The following MDH1 variants were observed in gnomAD, a reference collection of about 807,000 sequenced individuals.
MDH1 encodes the protein malate dehydrogenase, cytoplasmic.
MDH1 carries 15 observed loss-of-function variants against 38.7 expected under a neutral mutation model. That is an observed-to-expected ratio of 0.39 (90% CI 0.26 to 0.60). The LOEUF is 0.60. Ranked by LOEUF, MDH1 falls within the 20% of genes least tolerant of loss-of-function variation. MDH1 has a pLI of 0.56. For synonymous variants in MDH1, 144 were observed against 143.6 expected, an observed-to-expected ratio of 1.00 and a Z score of -0.02; for missense variants, 368 against 405.2, an observed-to-expected ratio of 0.91 and a Z score of 0.79.
At position 63,591,072 on chromosome 2, in the gene MDH1, A is replaced by G. The variant is rs375409204; in HGVS notation, c.3+2026A>G. On this transcript the variant is annotated intron_variant, in intron 1 of 8. Coordinates refer to ENST00000233114, the MANE Select transcript of MDH1 (RefSeq NM_005917.4). ...TGGCTCTGTCTGTGGAATAACAGAC[A>G]CTTAAATTCAATCTTTATAGCTGAG... 6.6e-5 allele frequency: 10 copies of G among 152,262 alleles called. No individual in the cohort carries two copies. The East Asian group carries it at 1.2e-3, about 18-fold the overall frequency. The allele number at this position is 152,262 out of a possible 1,614,324, so 9.4% of individuals were successfully genotyped here.
chr2:63,604,907 C>T (rs748385957), intron 6 of MDH1, 35 bp downstream of exon 6: 18 of 1,603,412 alleles, frequency 1.1e-5, no homozygotes, highest in South Asian at 2.2e-5. Context: ...TAACACTGAG[C>T]GTAAAGAACT....
At position 63,606,843 on chromosome 2, in the gene MDH1, T is replaced by A. The variant is rs1355340573; in HGVS notation, c.880-19T>A. The stretch of plus-strand genomic sequence containing the variant: ...ATCAGTTCCAGTTTAAATCTCTTAT[T>A]TGCATTATTTTCAAACAGAATAAGA... On this transcript the variant is annotated intron_variant, in intron 8 of 8. Coordinates refer to ENST00000233114, the MANE Select transcript of MDH1 (RefSeq NM_005917.4). 3.2e-6 allele frequency: 5 copies of A among 1,587,238 alleles called. No individual in the cohort carries two copies. The highest frequency in any genetic ancestry group is 4.3e-6 in the Non-Finnish European group (5 of 1,167,116).
At chr2:63,595,136 G>A (rs1709280890) in intron 2 of MDH1, 2 of 441,180 alleles carry the variant, frequency 4.5e-6, no homozygotes, top group Non-Finnish European at 8.3e-6. Flanking sequence ...AACAATAAGA[G>A]CAAGCTATAG....
At chr2:63,603,530 C>G (rs1272431792) in intron 5 of MDH1, among the ~76,000 whole-genome samples, 1 of 152,026 alleles carries the variant, frequency 6.6e-6, no homozygotes, top group Non-Finnish European at 1.5e-5. Flanking sequence ...TCTGGTTCAT[C>G]ATAAATTCTG....
rs1347870418 is a variant in MDH1, at chr2:63,606,962, C to T, written c.980C>T (p.Ala327Val). The T allele has an allele frequency of 1.2e-6, 2 of 1,611,866 alleles. No homozygotes were observed. The highest frequency in any genetic ancestry group is 1.7e-6 in the Non-Finnish European group (2 of 1,179,064). Residue 327 changes from alanine to valine, a missense_variant, in exon 9 of 9, where the codon GCT becomes GTT. Physicochemically the swap from Ala to Val is moderately conservative, Grantham distance 64 (BLOSUM62 0). Coordinates refer to ENST00000233114, the MANE Select transcript of MDH1 (RefSeq NM_005917.4). Reference sequence around the variant, plus strand: ...GAACTGACAGAAGAAAAAGAAAGTGCTTTTGAATTTCTTTCCTCTGCCTGA... The same window carrying T: ...GAACTGACAGAAGAAAAAGAAAGTGTTTTTGAATTTCTTTCCTCTGCCTGA... ...AKELTEEKES[A>V]FEFLSSA is the part of the protein sequence containing the mutation.
chr2:63,596,744 G>T (rs1300025597), intron 3 of MDH1, among the ~76,000 whole-genome samples: 1 of 152,180 alleles, frequency 6.6e-6, no homozygotes, highest in East Asian at 1.9e-4. Context: ...CAACAAAGAA[G>T]TGCGATGACT....
rs1709507794 is a variant in MDH1, at chr2:63,605,334, A to G, written c.730A>G (p.Met244Val). Residue 244 changes from methionine (M) to valine (V), a missense_variant, in exon 7 of 9, where the codon ATG (methionine) becomes GTG (valine). By Grantham distance (21) the Met-to-Val change is conservative. Transcript: ENST00000233114. ...CAAGGCTCGAAAACTATCCAGTGCC[A>G]TGTCTGCTGCAAAAGCCATCTGTGA... ...VIKARKLSSA[M>V]SAAKAICDHV... 1.2e-6 allele frequency: 2 copies of G among 1,614,192 alleles called. No homozygotes were observed. Among genetic ancestry groups the G allele is most frequent in the Non-Finnish European group, 8.5e-7 (1 of 1,180,022 alleles).
At chr2:63,594,014 A>G (rs770289048) in intron 1 of MDH1, among the ~76,000 whole-genome samples, 1 of 152,168 alleles carries the variant, frequency 6.6e-6, no homozygotes, top group Non-Finnish European at 1.5e-5. Context: ...CCTCCTCCAG[A>G]CAAAGTTGAA....
At chr2:63,604,992 C>A in intron 6 of MDH1, 120 bp downstream of exon 6, 2 of 971,248 alleles carry the variant, frequency 2.1e-6, no homozygotes, top group African/African-American at 1.6e-5. Flanking sequence ...TGCATACTTT[C>A]GGGATCATAG....
rs528985907 is a variant in MDH1 at position 63,589,182 on chromosome 2, C to T, written c.3+136C>T. 6.2e-6 allele frequency: 10 copies of T among 1,606,604 alleles called. No homozygotes were observed. The East Asian group carries it at 6.7e-5, about 11-fold the overall frequency. On this transcript the variant is annotated intron_variant, in intron 1 of 8. Coordinates refer to ENST00000233114, the MANE Select transcript of MDH1 (RefSeq NM_005917.4). ...CGCCCTTTGGCAAGCTCGGACTCAT[C>T]TTCTGGGGATTGCCGCAGTGACCCA... is the stretch of plus-strand genomic sequence containing the variant.
chr2:63,606,721 A>G, intron 8 of MDH1, 141 bp from the exon 9 acceptor site: 1 of 438,328 alleles, frequency 2.3e-6, no homozygotes, highest in Non-Finnish European at 3.7e-6. Flanking sequence ...AGAATTATCT[A>G]TTAATTAAAA....
In MDH1 at chr2:63,605,830, A is replaced by C. The variant is rs10202649; in HGVS notation, c.790-109A>C. The C allele has an allele frequency of 0.022, 19,272 of 871,292 alleles. 1,727 individuals are homozygous for C. The African/African-American group carries it at 0.23, about 10-fold the overall frequency. The allele number at this position is 871,292 out of a possible 1,614,324, so 54.0% of individuals were successfully genotyped here. On this transcript the variant is annotated intron_variant, in intron 7 of 8. Coordinates refer to ENST00000233114, the MANE Select transcript of MDH1 (RefSeq NM_005917.4). Reference sequence around the variant, plus strand: ...GCTGATGATAGTTCCTTACACAGTAATGATGTTATGAACATAGTAAGAAAG... The same window carrying C: ...GCTGATGATAGTTCCTTACACAGTACTGATGTTATGAACATAGTAAGAAAG...
intron 5 of MDH1, among the ~76,000 whole-genome samples, chr2:63,600,739 C>A (rs1174796132): frequency 6.6e-6 from 1 of 152,122 alleles, no homozygotes; most frequent in Non-Finnish European, 1.5e-5. Flanking sequence ...CCCTGAGAGG[C>A]TATAGGCTGT....
At chr2:63,595,622 G>A in intron 3 of MDH1, 103 bp downstream of exon 3, 1 of 715,716 alleles carries the variant, frequency 1.4e-6, no homozygotes, top group Non-Finnish European at 2.4e-6. Flanking sequence ...TATTTCATAA[G>A]AGGATTTTTT....
At chr2:63,597,865 TG>T (rs1357538149) in intron 4 of MDH1, 2 of 197,482 alleles carry the variant, frequency 1.0e-5, no homozygotes, top group Non-Finnish European at 2.0e-5. Context: ...GGTGCATTTT[TG>T]CTGCGTGGGA....
At chr2:63,603,510 C>T (rs775108629) in intron 5 of MDH1, among the ~76,000 whole-genome samples, 21 of 152,132 alleles carry the variant, frequency 1.4e-4, no homozygotes, top group Admixed American at 1.1e-3. Flanking sequence ...AATATTTTTC[C>T]ACATTCCCTT....
rs561306682 is a variant in MDH1, at chr2:63,598,528, T to G, written c.376-642T>G. ...AGGTTTAACTGATTTCCATATACTTTCCTATCTTTCAAAAAAAGGTGAAAG... is the reference window on the plus strand; with the variant it reads ...AGGTTTAACTGATTTCCATATACTTGCCTATCTTTCAAAAAAAGGTGAAAG... On this transcript the variant is annotated intron_variant, in intron 4 of 8. Transcript: ENST00000233114. Among the ~76,000 whole-genome samples the G allele has an allele frequency of 5.9e-5, 9 of 152,330 alleles. No homozygotes were observed. In the East Asian group the frequency reaches 1.3e-3, roughly 23 times the overall value.
chr2:63,602,759 T>G (rs909773325), intron 5 of MDH1, among the ~76,000 whole-genome samples: 2 of 152,128 alleles, frequency 1.3e-5, no homozygotes, highest in African/African-American at 4.8e-5. Flanking sequence ...TTTTGAGAAT[T>G]TACAAAAGTG....
chr2:63,592,251 A>G lies in MDH1; in HGVS notation c.4-2237A>G, dbSNP rs577174171. 2.6e-5 allele frequency among the ~76,000 whole-genome samples: 4 copies of G among 152,310 alleles called. 1 individual carries two copies. Among genetic ancestry groups the G allele is most frequent in the African/African-American group, 9.6e-5 (4 of 41,564 alleles). Reference sequence around the variant, plus strand: ...GGTAATATCATTAGTACTAATGACAATTTTGTTAGCTATAGTTGGAACTAT... The same window carrying G: ...GGTAATATCATTAGTACTAATGACAGTTTTGTTAGCTATAGTTGGAACTAT... On this transcript the variant is annotated intron_variant, in intron 1 of 8. Coordinates refer to ENST00000233114, the MANE Select transcript of MDH1 (RefSeq NM_005917.4).
Sources: allele counts gnomAD v4.1 joint callset (sites outside exome capture counted in the v4.1 genomes callset), GRCh38; gene constraint gnomAD v4.1.1; transcripts MANE v1.5; gene names NCBI Gene and HGNC (gene_info 2026-07-23, HGNC 2026-07-21).